Variants in NELL1 observed in about 807,000 individuals in gnomAD.
NELL1 encodes the protein neural EGFL like 1, also known as protein kinase C-binding protein NELL1.
NELL1 carries 76 observed loss-of-function variants against 107.4 expected under a neutral mutation model. The ratio of observed to expected loss-of-function variants is 0.71; its 90% CI spans 0.59 to 0.86. The LOEUF (loss-of-function observed/expected upper bound fraction) is 0.86, where lower values mean the gene tolerates loss of function less well. Ranked by LOEUF, NELL1 falls within the 40% of genes least tolerant of loss-of-function variation. The pLI, the probability that NELL1 is intolerant of heterozygous loss-of-function variation, is 0.00. For missense variants in NELL1, 1,024 were observed against 1,005.5 expected (o/e 1.02, Z -0.25); for synonymous variants, 353 against 341.2 (o/e 1.03, Z -0.38).
intron 15 of NELL1, among the ~76,000 whole-genome samples, chr11:21,529,610 C>CTAT (rs1855947117): frequency 6.6e-6 from 1 of 152,140 alleles, no homozygotes; most frequent in South Asian, 2.1e-4. Context: ...TTTATAGATT[C>CTAT]TATTCCTGAA....
At chr11:21,019,620 G>A (rs1467444867) in intron 12 of NELL1, among the ~76,000 whole-genome samples, 2 of 152,024 alleles carry the variant, frequency 1.3e-5, no homozygotes, top group Non-Finnish European at 1.5e-5. Flanking sequence ...GGCATCTGAT[G>A]GGTAGAGGCC....
intron 12 of NELL1, among the ~76,000 whole-genome samples, chr11:21,097,124 T>G (rs542467844): frequency 2.1e-3 from 311 of 151,052 alleles, no homozygotes; most frequent in African/African-American, 7.1e-3. Flanking sequence ...TTGCACACTC[T>G]CACTCCACTC....
intron 14 of NELL1, among the ~76,000 whole-genome samples, chr11:21,253,340 A>C (rs1489463397): frequency 6.6e-6 from 1 of 152,090 alleles, no homozygotes. Context: ...TACTGTAGTG[A>C]TAGAGTGGTA....
At chr11:20,768,828 C>T (rs1470141207) in intron 2 of NELL1, among the ~76,000 whole-genome samples, 1 of 152,132 alleles carries the variant, frequency 6.6e-6, no homozygotes, top group African/African-American at 2.4e-5. Flanking sequence ...ATGGCCGTGC[C>T]CCCATCTTGG....
chr11:20,956,611 A>T (rs1008365193), intron 11 of NELL1, among the ~76,000 whole-genome samples: 3 of 149,918 alleles, frequency 2.0e-5, no homozygotes, highest in Non-Finnish European at 4.4e-5. Flanking sequence ...ACGCCACTGC[A>T]CTCCAGCCTG....
intron 13 of NELL1, among the ~76,000 whole-genome samples, chr11:21,151,397 G>T (rs1209275428): frequency 6.6e-6 from 1 of 152,132 alleles, no homozygotes. Context: ...ACAAATAGGT[G>T]TGTGCATGTA....
intron 12 of NELL1, among the ~76,000 whole-genome samples, chr11:21,035,489 TAAAA>T (rs1853068576): frequency 7.5e-6 from 1 of 132,986 alleles, no homozygotes; most frequent in Non-Finnish European, 1.6e-5. Context: ...AAAAAAAAAA[TAAAA>T]CTGGCAAATG....
chr11:21,524,398 C>G (rs920150038), intron 15 of NELL1, among the ~76,000 whole-genome samples: 1 of 151,734 alleles, frequency 6.6e-6, no homozygotes, highest in Non-Finnish European at 1.5e-5. Flanking sequence ...CTGTAAGAAT[C>G]GTAGAATATT....
rs145116405 is a variant in NELL1 at position 21,035,516 on chromosome 11, C to T, written c.1300+74956C>T. The stretch of plus-strand genomic sequence containing the variant: ...AAACTGGCAAATGAATCCAGCAGCA[C>T]ATCAGAAAGCTTATTCACCACGATC... On this transcript the variant is annotated intron_variant, in intron 12 of 19. Coordinates refer to ENST00000357134, the MANE Select transcript of NELL1 (RefSeq NM_006157.5). Among the ~76,000 whole-genome samples, 1,309 of 151,330 alleles carry T rather than the reference C, an allele frequency of 8.6e-3. 24 individuals carry two copies. Among genetic ancestry groups the T allele is most frequent in the African/African-American group, 0.029 (1,201 of 41,244 alleles).
At chr11:20,848,745 C>A (rs941770247) in intron 4 of NELL1, among the ~76,000 whole-genome samples, 3 of 152,162 alleles carry the variant, frequency 2.0e-5, no homozygotes, top group African/African-American at 7.2e-5. Context: ...CAGCTTCAGA[C>A]CGCATTTCTC....
At chr11:21,353,270 G>C (rs2133723971) in intron 14 of NELL1, among the ~76,000 whole-genome samples, 1 of 152,234 alleles carries the variant, frequency 6.6e-6, no homozygotes, top group African/African-American at 2.4e-5. Context: ...GGTGAACAGT[G>C]GAAAGTAAAA....
At chr11:20,863,019 G>T (rs959750140) in intron 4 of NELL1, among the ~76,000 whole-genome samples, 2 of 152,160 alleles carry the variant, frequency 1.3e-5, no homozygotes, top group African/African-American at 4.8e-5. Context: ...CACAGACACA[G>T]CAACAATCTG....
intron 15 of NELL1, among the ~76,000 whole-genome samples, chr11:21,458,962 T>C (rs1188105736): frequency 6.6e-6 from 1 of 152,142 alleles, no homozygotes; most frequent in Non-Finnish European, 1.5e-5. Flanking sequence ...TTTTATTCCA[T>C]GTTTTTAATA....
chr11:21,160,335 A>C lies in NELL1; in HGVS notation c.1426+46621A>C, dbSNP rs534536345. ...ATATTTTTTTTTAGAACCTGTCAAA[A>C]TGCCTGGGTATTGTTTGAAATGTCT... On this transcript the variant is annotated intron_variant, in intron 13 of 19. Coordinates refer to ENST00000357134, the MANE Select transcript of NELL1 (RefSeq NM_006157.5). Among the ~76,000 whole-genome samples the C allele has an allele frequency of 1.1e-4, 17 of 152,282 alleles. 1 individual carries two copies. The highest frequency in any genetic ancestry group is 5.9e-4 in the Admixed American group (9 of 15,296).
At chr11:20,809,300 T>C (rs951865494) in intron 3 of NELL1, among the ~76,000 whole-genome samples, 11 of 152,256 alleles carry the variant, frequency 7.2e-5, no homozygotes, top group African/African-American at 2.4e-4. Flanking sequence ...TCGATATATG[T>C]ATACATTATG....
chr11:21,445,500 A>G (rs1199835852), intron 15 of NELL1, among the ~76,000 whole-genome samples: 7 of 151,526 alleles, frequency 4.6e-5, no homozygotes, highest in Admixed American at 2.0e-4. Context: ...CTAATTTTGT[A>G]TTTTTAGTAT....
intron 5 of NELL1, 31 bp downstream of exon 5, chr11:20,885,571 T>C (rs1849492895): frequency 7.7e-7 from 1 of 1,297,226 alleles, no homozygotes; most frequent in Non-Finnish European, 1.1e-6. Context: ...TATTGAAGTA[T>C]ATATATAGGC....
intron 3 of NELL1, among the ~76,000 whole-genome samples, chr11:20,784,107 AAGTT>A (rs376202184): frequency 8.6e-4 from 131 of 152,346 alleles, no homozygotes; most frequent in African/African-American, 2.5e-3. Flanking sequence ...GTCATCAAGC[AAGTT>A]AGTTAGTTAT....
At chr11:21,021,313 T>C (rs1852696100) in intron 12 of NELL1, among the ~76,000 whole-genome samples, 1 of 151,846 alleles carries the variant, frequency 6.6e-6, no homozygotes, top group Non-Finnish European at 1.5e-5. Flanking sequence ...TGAAGAGAGC[T>C]TTAAAACTTC....
Sources: gnomAD v4.1 joint callset for allele counts (sites outside exome capture counted in the v4.1 genomes callset) on GRCh38, gnomAD v4.1.1 for gene constraint, MANE v1.5 for transcripts, NCBI Gene and HGNC (gene_info 2026-07-23, HGNC 2026-07-21) for gene names.